The following FAM184A variants were observed in gnomAD, a reference collection of about 807,000 sequenced individuals.
The protein encoded by FAM184A is family with sequence similarity 184 member A.
In FAM184A, 99 loss-of-function variants were observed where a neutral mutation model predicts 143.8. The observed-to-expected ratio is 0.69, with a 90% confidence interval of 0.58 to 0.81. FAM184A has a LOEUF of 0.81. FAM184A is among the 40% of genes least tolerant of loss of function. The pLI is 0.00. For synonymous variants in FAM184A, 427 were observed against 446.4 expected (o/e 0.96, Z 0.55); for missense variants, 1,217 against 1,310.5 (o/e 0.93, Z 1.10).
chr6:119,138,993 C>T (rs1772118380), intron 1 of FAM184A, among the ~76,000 whole-genome samples: 1 of 152,164 alleles, frequency 6.6e-6, no homozygotes. Flanking sequence ...ACCTCCCCAT[C>T]TCAAGATCCT....
intron 9 of FAM184A, among the ~76,000 whole-genome samples, chr6:118,982,753 C>G (rs78957697): frequency 6.6e-6 from 1 of 152,130 alleles, no homozygotes; most frequent in African/African-American, 2.4e-5. Flanking sequence ...ATTTGACTCA[C>G]GTTTGACCTA....
intron 1 of FAM184A, among the ~76,000 whole-genome samples, chr6:119,127,298 T>C (rs1241599228): frequency 1.3e-5 from 2 of 152,108 alleles, no homozygotes; most frequent in African/African-American, 4.8e-5. Flanking sequence ...TAGGTTAGTG[T>C]TTGATTGAAA....
intron 6 of FAM184A, among the ~76,000 whole-genome samples, chr6:119,009,096 T>C (rs1785014979): frequency 6.6e-6 from 1 of 152,244 alleles, no homozygotes; most frequent in Non-Finnish European, 1.5e-5. Context: ...TTAACTTTTC[T>C]ATGCTTTAGT....
intron 9 of FAM184A, among the ~76,000 whole-genome samples, chr6:118,982,070 A>G (rs1056928627): frequency 2.6e-5 from 4 of 152,238 alleles, no homozygotes; most frequent in South Asian, 2.1e-4. Context: ...TGATATGCGC[A>G]TAAGAATCTC....
At chr6:119,015,157 G>A (rs1048554988) in intron 5 of FAM184A, among the ~76,000 whole-genome samples, 11 of 152,102 alleles carry the variant, frequency 7.2e-5, no homozygotes, top group South Asian at 4.1e-4. Flanking sequence ...AGGTGACAGT[G>A]TGCTGGCAGT....
chr6:119,049,882 T>C (rs1298810388), intron 1 of FAM184A, among the ~76,000 whole-genome samples: 2 of 152,114 alleles, frequency 1.3e-5, no homozygotes. Context: ...GAAACTATCA[T>C]TAGAGTGAAC....
intron 1 of FAM184A, among the ~76,000 whole-genome samples, chr6:119,032,276 A>C (rs1785901904): frequency 6.7e-6 from 1 of 148,864 alleles, no homozygotes; most frequent in Non-Finnish European, 1.5e-5. Context: ...TCTCAAAACA[A>C]AAAAAAAAAG....
At chr6:119,114,431 A>G (rs1240835641) in intron 1 of FAM184A, among the ~76,000 whole-genome samples, 1 of 152,232 alleles carries the variant, frequency 6.6e-6, no homozygotes, top group African/African-American at 2.4e-5. Context: ...CCATGGCTGT[A>G]TAAAGGAATG....
At chr6:119,006,305 G>T (rs1784917705) in intron 7 of FAM184A, 142 bp downstream of exon 7, 4 of 863,836 alleles carry the variant, frequency 4.6e-6, no homozygotes, top group Non-Finnish European at 5.6e-6. Context: ...AAATTCCCCA[G>T]TTTGTAGTAC....
At chr6:119,082,889 AG>A (rs1788111178), upstream of FAM184A, among the ~76,000 whole-genome samples, 3 of 152,192 alleles carry the variant, frequency 2.0e-5, no homozygotes, top group African/African-American at 4.8e-5. Context: ...GACTCTGTGT[AG>A]GGGCTTTGAC....
intron 14 of FAM184A, among the ~76,000 whole-genome samples, chr6:118,968,758 T>G (rs1357810280): frequency 4.6e-5 from 7 of 152,208 alleles, no homozygotes; most frequent in African/African-American, 1.7e-4. Flanking sequence ...TTATTTCTAT[T>G]TTTTTGTTAA....
At chr6:119,036,305 T>C (rs1786111729) in intron 1 of FAM184A, among the ~76,000 whole-genome samples, 1 of 152,030 alleles carries the variant, frequency 6.6e-6, no homozygotes, top group Admixed American at 6.6e-5. Flanking sequence ...AACAGATGTG[T>C]GTCCAAATGA....
intron 1 of FAM184A, among the ~76,000 whole-genome samples, chr6:119,101,837 C>G (rs1788644950): frequency 6.6e-6 from 1 of 152,106 alleles, no homozygotes; most frequent in African/African-American, 2.4e-5. Context: ...GGGCACATCA[C>G]CCGAGGTCAG....
At chr6:119,096,837 C>T (rs923463422) in intron 1 of FAM184A, among the ~76,000 whole-genome samples, 7 of 152,166 alleles carry the variant, frequency 4.6e-5, no homozygotes, top group Admixed American at 4.6e-4. Context: ...CGACTTGCTT[C>T]TCTCAGGTCC....
At chr6:119,144,216 C>T (rs1038832118) in intron 1 of FAM184A, among the ~76,000 whole-genome samples, 1 of 150,910 alleles carries the variant, frequency 6.6e-6, no homozygotes, top group African/African-American at 2.4e-5. Flanking sequence ...CGCCTGTAGT[C>T]CCAGCTACTC....
In FAM184A at chr6:118,979,250, T is replaced by C. The variant is rs535144428; in HGVS notation, c.2455+115A>G. 12 of 944,924 alleles carry C rather than the reference T, an allele frequency of 1.3e-5. No individual in the cohort carries two copies. In the South Asian group the frequency reaches 2.1e-4, roughly 17 times the overall value. 58.5% of individuals were successfully genotyped at this position (944,924 alleles called of 1,614,324 possible). A position where few individuals can be genotyped will look rare whatever the true frequency, so the allele number is the denominator to read the frequency against. On this transcript the variant is annotated intron_variant, in intron 11 of 17. Transcript: ENST00000338891. ...AAATAAAATATGCAGTACACTTAGATATTCATTTTGACGTTTCAAAATTTT... is the reference window on the plus strand; with the variant it reads ...AAATAAAATATGCAGTACACTTAGACATTCATTTTGACGTTTCAAAATTTT...
chr6:119,010,026 T>C (rs1327468387), intron 6 of FAM184A, among the ~76,000 whole-genome samples: 3 of 152,178 alleles, frequency 2.0e-5, no homozygotes, highest in Non-Finnish European at 4.4e-5. Flanking sequence ...TGCTAGGCCA[T>C]GTGTGCCTCT....
At chr6:119,041,039 A>T (rs1343606783) in intron 1 of FAM184A, among the ~76,000 whole-genome samples, 1 of 152,096 alleles carries the variant, frequency 6.6e-6, no homozygotes, top group African/African-American at 2.4e-5. Flanking sequence ...AACTACTTCC[A>T]CACCCTTCTC....
At chr6:119,054,515 T>C (rs1208555550) in intron 1 of FAM184A, among the ~76,000 whole-genome samples, 3 of 152,196 alleles carry the variant, frequency 2.0e-5, no homozygotes, top group Non-Finnish European at 2.9e-5. Context: ...ATGAGGGCTC[T>C]TTCCTCATGA....
Sources: gnomAD v4.1 joint callset for allele counts (sites outside exome capture counted in the v4.1 genomes callset) on GRCh38, gnomAD v4.1.1 for gene constraint, MANE v1.5 for transcripts, NCBI Gene and HGNC (gene_info 2026-07-23, HGNC 2026-07-21) for gene names.